Variants in TENM1 observed in about 807,000 individuals in gnomAD.
TENM1 encodes teneurin-1.
A neutral mutation model predicts 174.8 loss-of-function variants in TENM1; 35 were observed. That is an observed-to-expected ratio of 0.20 (90% CI 0.15 to 0.27). The LOEUF (loss-of-function observed/expected upper bound fraction) is 0.27, where lower values mean the gene tolerates loss of function less well. TENM1 is among the 10% of genes least tolerant of loss of function. TENM1 has a pLI of 1.00. For missense variants in TENM1, 1,633 were observed against 2,130.1 expected, an observed-to-expected ratio of 0.77 and a Z score of 4.59; for synonymous variants, 781 against 798.7, an observed-to-expected ratio of 0.98 and a Z score of 0.37.
At chrX:124,424,619 T>C (rs1176504496) in intron 23 of TENM1, among the ~76,000 whole-genome samples, 1 of 111,713 alleles carries the variant, frequency 9.0e-6, no homozygotes, top group Non-Finnish European at 1.9e-5. Context: ...TAGTGTCTGA[T>C]ATGGTTTGGA....
chrX:124,744,331 T>G (rs1316230676), intron 3 of TENM1, among the ~76,000 whole-genome samples: 1 of 112,252 alleles, frequency 8.9e-6, no homozygotes, highest in Non-Finnish European at 1.9e-5. Flanking sequence ...CCAATATATT[T>G]GTCATCTTAG....
At chrX:124,444,688 T>C (rs111512553) in intron 23 of TENM1, among the ~76,000 whole-genome samples, 4,453 of 110,465 alleles carry the variant, frequency 0.04, 204 homozygotes, top group African/African-American at 0.14. Flanking sequence ...AGAAACAATA[T>C]AGAAAGGGAG....
At chrX:124,416,790 T>C (rs1603258543) in intron 25 of TENM1, among the ~76,000 whole-genome samples, 1 of 112,110 alleles carries the variant, frequency 8.9e-6, no homozygotes, top group African/African-American at 3.2e-5. Context: ...ACTGCCGATG[T>C]GATAGTACTA....
At chrX:125,183,122 T>C in the TENM1 span, among the ~76,000 whole-genome samples, 2 of 112,399 alleles carry the variant, frequency 1.8e-5, no homozygotes. Flanking sequence ...CTCATTCTTT[T>C]GGTTTCATCA....
chrX:124,442,861 T>C lies in TENM1; in HGVS notation c.4104+10476A>G, dbSNP rs1051563166. 7.3e-5 allele frequency among the ~76,000 whole-genome samples: 8 copies of C among 110,193 alleles called. No individual in the cohort carries two copies. In the South Asian group the frequency reaches 1.6e-3, roughly 22 times the overall value. On this transcript the variant is annotated intron_variant, in intron 23 of 31. Coordinates refer to ENST00000422452, the Ensembl canonical transcript of TENM1. ...ATTTTTTGTAGAGACGGGGGTTTCG[T>C]CCTGTTGCCCAGGTTGGTCTTGAAC...
intron 15 of TENM1, among the ~76,000 whole-genome samples, chrX:124,540,508 C>G (rs779126580): frequency 8.9e-6 from 1 of 111,966 alleles, no homozygotes; most frequent in Admixed American, 9.5e-5. Flanking sequence ...TGACCATCTT[C>G]CTGCAACCTT....
intron 1 of TENM1, among the ~76,000 whole-genome samples, chrX:124,945,371 G>A (rs1338735127): frequency 1.8e-5 from 2 of 110,854 alleles, no homozygotes; most frequent in Non-Finnish European, 3.8e-5. Context: ...GCCAGGTTTT[G>A]AGCAGGGAAG....
intron 21 of TENM1, among the ~76,000 whole-genome samples, chrX:124,484,987 T>A (rs1390780345): frequency 9.0e-6 from 1 of 111,599 alleles, no homozygotes; most frequent in African/African-American, 3.3e-5. Context: ...AACTGCAGGA[T>A]ATAAAACTAA....
At chrX:124,834,144 T>C (rs2056345385) in intron 3 of TENM1, among the ~76,000 whole-genome samples, 1 of 111,655 alleles carries the variant, frequency 9.0e-6, no homozygotes, top group Admixed American at 9.6e-5. Context: ...GAAAAATATA[T>C]AGTCAATCCA....
intron 1 of TENM1, among the ~76,000 whole-genome samples, chrX:124,917,999 C>T (rs1486142009): frequency 9.0e-6 from 1 of 111,720 alleles, no homozygotes; most frequent in Non-Finnish European, 1.9e-5. Flanking sequence ...CAATTTGAAG[C>T]TCTGTTTTTG....
At chrX:124,524,788 A>ATGGTTCTCCC (rs112148010) in intron 16 of TENM1, among the ~76,000 whole-genome samples, 2 of 111,012 alleles carry the variant, frequency 1.8e-5, no homozygotes, top group African/African-American at 6.6e-5. Flanking sequence ...TCTGCACTAG[A>ATGGTTCTCCC]TTACTTCTCT....
chrX:125,024,404 C>A, the TENM1 span, among the ~76,000 whole-genome samples: 2 of 109,748 alleles, frequency 1.8e-5, no homozygotes, highest in Admixed American at 9.8e-5. Context: ...CACACACACA[C>A]CCCTACTGAA....
At chrX:125,039,461 G>T in the TENM1 span, among the ~76,000 whole-genome samples, 1 of 110,607 alleles carries the variant, frequency 9.0e-6, no homozygotes, top group African/African-American at 3.3e-5. Context: ...CCCAAAGCAT[G>T]AGTCAATTTT....
At chrX:124,866,664 C>T (rs780137548) in intron 3 of TENM1, among the ~76,000 whole-genome samples, 1 of 110,771 alleles carries the variant, frequency 9.0e-6, no homozygotes, top group Admixed American at 9.6e-5. Context: ...AAGATCAGAG[C>T]ATACATTTCA....
intron 23 of TENM1, among the ~76,000 whole-genome samples, chrX:124,423,489 A>T (rs1225038935): frequency 9.0e-6 from 1 of 111,533 alleles, no homozygotes; most frequent in Admixed American, 9.6e-5. Flanking sequence ...CCTCAGAGGA[A>T]CCATTAGACA....
rs751850474 is a variant in TENM1, at chrX:124,518,838, G to C, written c.3301+1679C>G. Among the ~76,000 whole-genome samples the C allele has an allele frequency of 2.9e-3, 327 of 111,974 alleles. 2 individuals carry two copies. The highest frequency in any genetic ancestry group is 0.01 in the African/African-American group (315 of 30,821). Reference sequence around the variant, plus strand: ...GTTCTCATAACCACTACACTCAATAGAATAGGGATTAAGCAGGACTCTGTA... The same window carrying C: ...GTTCTCATAACCACTACACTCAATACAATAGGGATTAAGCAGGACTCTGTA... On this transcript the variant is annotated intron_variant, in intron 18 of 31. Transcript: ENST00000422452.
intron 25 of TENM1, among the ~76,000 whole-genome samples, chrX:124,413,011 G>A (rs978782147): frequency 7.1e-5 from 8 of 111,974 alleles, no homozygotes; most frequent in Admixed American, 2.8e-4. Flanking sequence ...AGAAAGGCAC[G>A]CTGACTGATG....
intron 3 of TENM1, among the ~76,000 whole-genome samples, chrX:124,866,433 A>G (rs948266472): frequency 4.5e-5 from 5 of 111,954 alleles, no homozygotes; most frequent in African/African-American, 1.6e-4. Flanking sequence ...AGAAATTAAT[A>G]AAGAAATTAA....
chrX:124,829,962 G>A (rs1280142194), intron 3 of TENM1, among the ~76,000 whole-genome samples: 2 of 112,144 alleles, frequency 1.8e-5, no homozygotes, highest in African/African-American at 3.2e-5. Flanking sequence ...TTCAGCCCCC[G>A]TACCTCAAAC....
Sources: allele counts gnomAD v4.1 joint callset (sites outside exome capture counted in the v4.1 genomes callset), GRCh38; gene constraint gnomAD v4.1.1; transcripts MANE v1.5; gene names NCBI Gene and HGNC (gene_info 2026-07-23, HGNC 2026-07-21).